Variants in BRAF observed in about 807,000 individuals in gnomAD.
BRAF encodes B-Raf proto-oncogene, serine/threonine kinase, also known as serine/threonine-protein kinase B-raf.
BRAF carries 16 observed loss-of-function variants against 104.6 expected under a neutral mutation model. The observed-to-expected ratio is 0.15, with a 90% CI of 0.10 to 0.23. BRAF has a LOEUF of 0.23. Ranked by LOEUF, BRAF falls within the 10% of genes least tolerant of loss-of-function variation. The pLI, the probability that BRAF is intolerant of heterozygous loss-of-function variation, is 1.00. For missense variants in BRAF, 541 were observed against 937.3 expected, an observed-to-expected ratio of 0.58 and a Z score of 5.52; for synonymous variants, 310 against 341.6, an observed-to-expected ratio of 0.91 and a Z score of 1.02.
At chr7:140,778,221 C>A in intron 12 of BRAF, 146 bp from the exon 12 acceptor site, 1 of 767,998 alleles carries the variant, frequency 1.3e-6, no homozygotes. Flanking sequence ...GCTATCTAAA[C>A]TCCATTTGTT....
At chr7:140,749,466 G>T (rs1797613653) in intron 16 of BRAF, 48 bp from the exon 16 acceptor site, 2 of 1,594,982 alleles carry the variant, frequency 1.3e-6, no homozygotes, top group African/African-American at 1.3e-5. Context: ...ATTGAATAAA[G>T]ACTGAAAAAC....
Position 140,871,571 on chromosome 7 carries a change from TTTAACCTTTA to T in BRAF, c.139-21369_139-21360del, listed in dbSNP as rs1811600701. The stretch of plus-strand genomic sequence containing the variant: ...GAAACCTACTCTAACTTCCAATATT[TTTAACCTTTA>T]TTAACCTTTAGACACCTAAAAAAAA... On this transcript the variant is annotated intron_variant, in intron 1 of 19. Coordinates refer to ENST00000644969, the MANE Select transcript of BRAF (RefSeq NM_001374258.1). Among the ~76,000 whole-genome samples, 6 of 152,266 alleles carry T rather than the reference TTTAACCTTTA, an allele frequency of 3.9e-5. No individual in the cohort carries two copies. The South Asian group carries it at 1.2e-3, about 32-fold the overall frequency.
intron 3 of BRAF, among the ~76,000 whole-genome samples, chr7:140,822,050 T>C (rs577282228): frequency 2.0e-4 from 31 of 152,266 alleles, no homozygotes; most frequent in East Asian, 7.7e-4. Flanking sequence ...TGAAAAACTA[T>C]TGGCTACTAT....
intron 12 of BRAF, 93 bp from the exon 12 acceptor site, chr7:140,778,168 C>A: frequency 3.8e-6 from 4 of 1,040,734 alleles, no homozygotes; most frequent in Non-Finnish European, 5.9e-6. Context: ...TATCATAGCC[C>A]TAACTCCATA....
chr7:140,766,018 C>T (rs1320451537), intron 14 of BRAF, among the ~76,000 whole-genome samples: 1 of 151,102 alleles, frequency 6.6e-6, no homozygotes, highest in Non-Finnish European at 1.5e-5. Context: ...TATTGCGGCA[C>T]TATTCACAAT....
In BRAF at chr7:140,721,920, T is replaced by C; in HGVS notation, c.*4574A>G. On this transcript the variant is annotated 3_prime_UTR_variant, in exon 20 of 20. Transcript: ENST00000644969. ...CAAGTCCCGGGAAGAAATTTACATT[T>C]CAAACTCTGAAAAATCAGTGTCTAG... 7.9e-7 allele frequency: 1 copy of C among 1,262,778 alleles called. No individual in the cohort carries two copies. The highest frequency in any genetic ancestry group is 9.9e-7 in the Non-Finnish European group (1 of 1,006,634). 78.2% of individuals were successfully genotyped at this position (1,262,778 alleles called of 1,614,324 possible).
chr7:140,744,222 C>T (rs1289682080), intron 17 of BRAF, among the ~76,000 whole-genome samples: 1 of 152,202 alleles, frequency 6.6e-6, no homozygotes, highest in Non-Finnish European at 1.5e-5. Context: ...CTAAGGTCAG[C>T]CCCGCAGGTG....
intron 1 of BRAF, among the ~76,000 whole-genome samples, chr7:140,886,174 T>A (rs1036821142): frequency 6.6e-6 from 1 of 152,210 alleles, no homozygotes; most frequent in Non-Finnish European, 1.5e-5. Context: ...GTAATGGTAA[T>A]AGTTTATGAC....
At chr7:140,824,408 T>C (rs1805788711) in intron 3 of BRAF, 1 of 152,202 alleles carries the variant, frequency 6.6e-6, no homozygotes, top group South Asian at 2.1e-4. Context: ...AGATTCTCTT[T>C]ACTTCATGGA....
rs200247583 is a variant in BRAF at position 140,827,472 on chromosome 7, T to TA, written c.504+7136dup. 3.2e-3 allele frequency among the ~76,000 whole-genome samples: 481 copies of TA among 152,288 alleles called. 2 individuals carry two copies. The highest frequency in any genetic ancestry group is 0.011 in the African/African-American group (454 of 41,558). On this transcript the variant is annotated intron_variant, in intron 3 of 19. Coordinates refer to ENST00000644969, the MANE Select transcript of BRAF (RefSeq NM_001374258.1). ...ACAATGATGAGAATAGGTCCATAGTTAAAAAATCACAGGGGAAACTTTATT... is the reference window on the plus strand; with the variant it reads ...ACAATGATGAGAATAGGTCCATAGTTAAAAAAATCACAGGGGAAACTTTATT...
chr7:140,908,286 T>C (rs1816563581), intron 1 of BRAF, among the ~76,000 whole-genome samples: 1 of 152,230 alleles, frequency 6.6e-6, no homozygotes, highest in Non-Finnish European at 1.5e-5. Context: ...ATTACATTGC[T>C]GAAAGAATTC....
intron 1 of BRAF, among the ~76,000 whole-genome samples, chr7:140,921,879 C>A (rs973073791): frequency 6.6e-6 from 1 of 151,396 alleles, no homozygotes; most frequent in Non-Finnish European, 1.5e-5. Flanking sequence ...ACAAGCAAAC[C>A]TTTTCATTCT....
At position 140,831,048 on chromosome 7, in the gene BRAF, C is replaced by T. The variant is rs1020790906; in HGVS notation, c.504+3561G>A. 3.2e-4 allele frequency among the ~76,000 whole-genome samples: 48 copies of T among 152,190 alleles called. 1 individual carries two copies. The highest frequency in any genetic ancestry group is 3.1e-3 in the Admixed American group (48 of 15,280). ...TGGGACTAGCATCTCAAGAGGGGGA[C>T]AGTCTTGTGGGACTGAGCTCTTAAC... On this transcript the variant is annotated intron_variant, in intron 3 of 19. Transcript: ENST00000644969.
rs1188804151 is a variant in BRAF, at chr7:140,799,306, C to T, written c.980+1056G>A. The stretch of plus-strand genomic sequence containing the variant: ...TCACTGCCTCTCTCAGTTTTCACTA[C>T]CAACAACATCCTAGGTTGGCCTTCT... On this transcript the variant is annotated intron_variant, in intron 7 of 19. Coordinates refer to ENST00000644969, the MANE Select transcript of BRAF (RefSeq NM_001374258.1). 3.9e-5 allele frequency: 9 copies of T among 232,620 alleles called. No homozygotes were observed. The East Asian group carries it at 5.5e-4, about 14-fold the overall frequency. 14.4% of individuals were successfully genotyped at this position (232,620 alleles called of 1,614,324 possible). A position where few individuals can be genotyped will look rare whatever the true frequency, so the allele number is the denominator to read the frequency against.
chr7:140,825,437 C>G (rs567979643), intron 3 of BRAF, among the ~76,000 whole-genome samples: 1 of 152,166 alleles, frequency 6.6e-6, no homozygotes, highest in Non-Finnish European at 1.5e-5. Context: ...TAAACTAATA[C>G]GTTCATTATA....
chr7:140,720,412 GATAA>G lies in BRAF; in HGVS notation c.*6078_*6081del. On this transcript the variant is annotated 3_prime_UTR_variant, in exon 20 of 20. Coordinates refer to ENST00000644969, the MANE Select transcript of BRAF (RefSeq NM_001374258.1). Reference sequence around the variant, plus strand: ...TGTATGTAAACTAACATAACATGAAGATAAATAAGACATAAAGGCTAGCCACTTA... The same window carrying G: ...TGTATGTAAACTAACATAACATGAAGATAAGACATAAAGGCTAGCCACTTA... 9.4e-7 allele frequency: 1 copy of G among 1,062,348 alleles called. No homozygotes were observed. The highest frequency in any genetic ancestry group is 1.1e-6 in the Non-Finnish European group (1 of 877,548). 65.8% of individuals were successfully genotyped at this position (1,062,348 alleles called of 1,614,324 possible).
At chr7:140,749,167 G>T in intron 17 of BRAF, 120 bp downstream of exon 16, 1 of 1,372,970 alleles carries the variant, frequency 7.3e-7, no homozygotes. Flanking sequence ...TTCTAAAACT[G>T]GTAACAAAAA....
rs1048927660 is a variant in BRAF at position 140,726,110 on chromosome 7, T to C, written c.*384A>G. ...GCCCCATCAGATGATCAGCCACAAA[T>C]TGATCTGGTGGTTAGAAGGGCAAAG... On this transcript the variant is annotated 3_prime_UTR_variant, in exon 20 of 20. Coordinates refer to ENST00000644969, the MANE Select transcript of BRAF (RefSeq NM_001374258.1). 32 of 1,092,862 alleles carry C rather than the reference T, an allele frequency of 2.9e-5. 1 individual carries two copies. Among genetic ancestry groups the C allele is most frequent in the African/African-American group, 6.5e-5 (4 of 61,778 alleles). 67.7% of individuals were successfully genotyped at this position (1,092,862 alleles called of 1,614,324 possible). A position where few individuals can be genotyped will look rare whatever the true frequency, so the allele number is the denominator to read the frequency against.
intron 1 of BRAF, among the ~76,000 whole-genome samples, chr7:140,869,155 G>C (rs1469345183): frequency 6.6e-6 from 1 of 152,184 alleles, no homozygotes; most frequent in Non-Finnish European, 1.5e-5. Flanking sequence ...CCAGAGTGGA[G>C]ATGTAAAACA....
Sources: allele counts gnomAD v4.1 joint callset (sites outside exome capture counted in the v4.1 genomes callset), GRCh38; gene constraint gnomAD v4.1.1; transcripts MANE v1.5; gene names NCBI Gene and HGNC (gene_info 2026-07-23, HGNC 2026-07-21).